PICK1: variants seen among roughly 807,000 people sequenced by gnomAD.
The protein encoded by PICK1 is protein interacting with PRKCA 1.
A neutral mutation model predicts 48.9 loss-of-function variants in PICK1; 23 were observed. The observed-to-expected ratio is 0.47, with a 90% CI of 0.34 to 0.67. The LOEUF (loss-of-function observed/expected upper bound fraction) is 0.67, where lower values mean the gene tolerates loss of function less well. Among genes scored for constraint, PICK1 ranks in the 30% least tolerant of loss-of-function variants. PICK1 has a pLI of 0.01. For missense variants in PICK1, 423 were observed against 557.1 expected (o/e 0.76, Z 2.42); for synonymous variants, 217 against 228.2 (o/e 0.95, Z 0.44).
intron 3 of PICK1, among the ~76,000 whole-genome samples, chr22:38,064,717 G>A (rs975579251): frequency 2.0e-5 from 3 of 152,120 alleles, no homozygotes; most frequent in Non-Finnish European, 2.9e-5. Flanking sequence ...GCGAGATGGC[G>A]CTATTGCACT....
At chr22:38,058,138 A>C (rs1333284038) in intron 2 of PICK1, 2 of 498,518 alleles carry the variant, frequency 4.0e-6, no homozygotes, top group Non-Finnish European at 7.3e-6. Flanking sequence ...GGAAAGCTTC[A>C]TGGAGGACGT....
chr22:38,072,874 C>T, intron 9 of PICK1, 126 bp from the exon 10 acceptor site: 1 of 841,560 alleles, frequency 1.2e-6, no homozygotes, highest in East Asian at 2.4e-5. Context: ...AGGGACAAGG[C>T]ATCAGGGAGC....
chr22:38,074,290 T>C lies in PICK1; in HGVS notation c.835-17T>C. 6.3e-7 allele frequency: 1 copy of C among 1,588,310 alleles called. No individual in the cohort carries two copies. Among genetic ancestry groups the C allele is most frequent in the Non-Finnish European group, 8.6e-7 (1 of 1,158,190 alleles). ...GGCCGTCCCTGAGCAGGCACTCCTG[T>C]CCCACCCCCGCCCCAGGCCCTAGGC... On this transcript the variant is annotated splice_polypyrimidine_tract_variant and intron_variant, in intron 11 of 12. Coordinates refer to ENST00000356976, the MANE Select transcript of PICK1 (RefSeq NM_012407.4). The surrounding 1 kb of genome is among the most constrained non-coding windows in gnomAD (Gnocchi z 4.5).
At chr22:38,072,306 G>A (rs1178166628) in intron 8 of PICK1, among the ~76,000 whole-genome samples, 171 bp from the exon 9 acceptor site, 1 of 152,160 alleles carries the variant, frequency 6.6e-6, no homozygotes, top group African/African-American at 2.4e-5. Context: ...TCCTCCAGGT[G>A]TAGACTCAGC....
intron 2 of PICK1, among the ~76,000 whole-genome samples, chr22:38,059,020 A>G (rs1260930633): frequency 6.6e-6 from 1 of 152,184 alleles, no homozygotes; most frequent in Non-Finnish European, 1.5e-5. Flanking sequence ...AAAAAAACCA[A>G]GTTCCACAGC....
At chr22:38,072,654 G>T (rs375026417) in intron 9 of PICK1, 44 bp downstream of exon 9, 2 of 1,607,980 alleles carry the variant, frequency 1.2e-6, no homozygotes, top group African/African-American at 1.3e-5. Context: ...GTGAGGGTGG[G>T]GAGGGGAGAG....
Position 38,075,042 on chromosome 22 carries a change from G to C in PICK1, c.1158G>C (p.Glu386Asp), listed in dbSNP as rs774462263. 6.2e-7 allele frequency: 1 copy of C among 1,613,300 alleles called. No homozygotes were observed. Among genetic ancestry groups the C allele is most frequent in the South Asian group, 1.1e-5 (1 of 91,074 alleles). Residue 386 changes from glutamate to aspartate, a missense_variant, in exon 13 of 13, where the codon GAG (glutamate) becomes GAC (aspartate). Glu to Asp is a conservative substitution (Grantham distance 45, BLOSUM62 2). Coordinates refer to ENST00000356976, the MANE Select transcript of PICK1 (RefSeq NM_012407.4). Reference protein sequence around the residue: ...EEFTDGEEEEEEEDTAAGEPS... With the variant: ...EEFTDGEEEEDEEDTAAGEPS... ...TCACAGATGGGGAGGAGGAGGAGGA[G>C]GAGGAAGACACGGCAGCTGGGGAGC...
intron 1 of PICK1, 45 bp downstream of exon 1, chr22:38,057,632 C>A: frequency 2.0e-6 from 1 of 504,066 alleles, no homozygotes; most frequent in East Asian, 3.2e-5. Flanking sequence ...CTGTCCCATC[C>A]CACTCCAGAG....
intron 3 of PICK1, among the ~76,000 whole-genome samples, chr22:38,061,930 C>G (rs2085413559): frequency 6.6e-6 from 1 of 152,218 alleles, no homozygotes; most frequent in African/African-American, 2.4e-5. Flanking sequence ...CTCATCCCAC[C>G]TTTCCAACAT....
intron 3 of PICK1, 118 bp from the exon 4 acceptor site, chr22:38,064,884 C>G: frequency 7.8e-7 from 1 of 1,276,846 alleles, no homozygotes; most frequent in Non-Finnish European, 1.1e-6. Context: ...GACGCTTTCT[C>G]AAAAAACGAG....
rs772303203 is a variant in PICK1 at position 38,073,735 on chromosome 22, G to T, written c.784-38G>T. The T allele has an allele frequency of 1.3e-6, 2 of 1,597,176 alleles. No individual in the cohort carries two copies. Among genetic ancestry groups the T allele is most frequent in the Non-Finnish European group, 1.7e-6 (2 of 1,165,826 alleles). On this transcript the variant is annotated intron_variant, in intron 10 of 12. Coordinates refer to ENST00000356976, the MANE Select transcript of PICK1 (RefSeq NM_012407.4). The surrounding 1 kb of genome is among the most constrained non-coding windows in gnomAD (Gnocchi z 5.7). ...GTGGAGCTGGGGACCTGGGGTGGGG[G>T]TAGTAGCCACTCTGACAGCCTCACC...
chr22:38,068,033 T>C (rs1255905095), intron 5 of PICK1: 1 of 594,500 alleles, frequency 1.7e-6, no homozygotes, highest in African/African-American at 1.8e-5. Flanking sequence ...TTCTGCCATC[T>C]CCTCTGGGGA....
chr22:38,075,438 AC>A lies in PICK1; in HGVS notation c.*307del. 2.8e-6 allele frequency: 1 copy of A among 360,948 alleles called. No individual in the cohort carries two copies. 22.4% of individuals were successfully genotyped at this position (360,948 alleles called of 1,614,324 possible). A position where few individuals can be genotyped will look rare whatever the true frequency, so the allele number is the denominator to read the frequency against. On this transcript the variant is annotated 3_prime_UTR_variant, in exon 13 of 13. Transcript: ENST00000356976. ...GGGAGGGCAGGAAGGAAAAGAAAGG[AC>A]TTGGAGGTGGCAGGAGTCCGAGCCC...
At position 38,073,161 on chromosome 22, in the gene PICK1, G is replaced by C; in HGVS notation, c.783+69G>C. 1 of 1,067,396 alleles carries C rather than the reference G, an allele frequency of 9.4e-7. No individual in the cohort carries two copies. Among genetic ancestry groups the C allele is most frequent in the Admixed American group, 1.7e-5 (1 of 59,002 alleles). The allele number at this position is 1,067,396 out of a possible 1,614,324, so 66.1% of individuals were successfully genotyped here. ...CTGGAGATCTGCCCCACTTCAGTCA[G>C]CCATGCTGCGGCCAGCGAGGCCAGC... On this transcript the variant is annotated intron_variant, in intron 10 of 12. Coordinates refer to ENST00000356976, the MANE Select transcript of PICK1 (RefSeq NM_012407.4). The surrounding 1 kb of genome is among the most constrained non-coding windows in gnomAD (Gnocchi z 5.7).
rs1569204186 is a variant in PICK1, at chr22:38,073,098, T to G, written c.783+6T>G. On this transcript the variant is annotated splice_donor_region_variant and intron_variant, in intron 10 of 12. Transcript: ENST00000356976. This position sits in a 1 kb window ranked among gnomAD's most constrained non-coding sequence, Gnocchi z 5.7. ...ACGTGAAGTTTGAGTACCTGGTGAG[T>G]AGTCCAGGTGCCCAGGCTGCTAGGG... is the stretch of plus-strand genomic sequence containing the variant. 3.8e-6 allele frequency: 6 copies of G among 1,577,084 alleles called. No homozygotes were observed. The highest frequency in any genetic ancestry group is 5.2e-6 in the Non-Finnish European group (6 of 1,146,586).
At chr22:38,061,861 T>C (rs2085412001) in intron 3 of PICK1, among the ~76,000 whole-genome samples, 1 of 152,234 alleles carries the variant, frequency 6.6e-6, no homozygotes, top group Non-Finnish European at 1.5e-5. Context: ...AAATATCTAT[T>C]GACTTTGCCT....
chr22:38,071,671 C>A lies in PICK1; in HGVS notation c.494-11C>A. 1 of 1,612,726 alleles carries A rather than the reference C, an allele frequency of 6.2e-7. No homozygotes were observed. Among genetic ancestry groups the A allele is most frequent in the South Asian group, 1.1e-5 (1 of 91,058 alleles). ...GCGTCCCCATTCCGCATCACTCGGT[C>A]TCTCCCACAGGGATGACGGAACACA... is the stretch of plus-strand genomic sequence containing the variant. On this transcript the variant is annotated splice_polypyrimidine_tract_variant and intron_variant, in intron 7 of 12. Transcript: ENST00000356976.
intron 4 of PICK1, among the ~76,000 whole-genome samples, chr22:38,065,687 C>T (rs528957875): frequency 6.6e-6 from 1 of 152,330 alleles, no homozygotes; most frequent in African/African-American, 2.4e-5. Flanking sequence ...GCCTGCCCCG[C>T]TTTCCCCCAC....
chr22:38,073,875 AG>A lies in PICK1; in HGVS notation c.834+55del. The A allele has an allele frequency of 6.4e-7, 1 of 1,571,570 alleles. No homozygotes were observed. The highest frequency in any genetic ancestry group is 8.8e-7 in the Non-Finnish European group (1 of 1,142,090). On this transcript the variant is annotated intron_variant, in intron 11 of 12. Coordinates refer to ENST00000356976, the MANE Select transcript of PICK1 (RefSeq NM_012407.4). This position sits in a 1 kb window ranked among gnomAD's most constrained non-coding sequence, Gnocchi z 5.7. ...TGTACTTCCCCCCACCTGGTCTGCC[AG>A]GGATAGCAGGTGGCTCAGGCCAACC...
Sources: gnomAD v4.1 joint callset for allele counts (sites outside exome capture counted in the v4.1 genomes callset) on GRCh38, gnomAD v4.1.1 for gene constraint, Gnocchi (gnomAD v3.1) non-coding constraint, MANE v1.5 for transcripts, NCBI Gene and HGNC (gene_info 2026-07-23, HGNC 2026-07-21) for gene names.